Variants in CRACD observed in about 807,000 individuals in gnomAD.
CRACD encodes the protein capping protein inhibiting regulator of actin dynamics.
Under a neutral mutation model 106.8 loss-of-function variants are expected in CRACD, and 56 were observed. The ratio of observed to expected loss-of-function variants is 0.52; its 90% CI spans 0.42 to 0.66. CRACD has a LOEUF of 0.66. Among genes scored for constraint, CRACD ranks in the 30% least tolerant of loss-of-function variants. The pLI is 0.00. For missense variants in CRACD, 1,730 were observed against 1,623.2 expected, an observed-to-expected ratio of 1.07 and a Z score of -1.13; for synonymous variants, 754 against 670.8, an observed-to-expected ratio of 1.12 and a Z score of -1.92.
At chr4:56,075,835 A>G (rs923122007) in intron 1 of CRACD, among the ~76,000 whole-genome samples, 1 of 152,210 alleles carries the variant, frequency 6.6e-6, no homozygotes, top group Non-Finnish European at 1.5e-5. Context: ...ATGGCTGAAT[A>G]ATACTCTGTC....
intron 3 of CRACD, among the ~76,000 whole-genome samples, chr4:56,285,613 A>G (rs969600606): frequency 6.6e-6 from 1 of 151,914 alleles, no homozygotes; most frequent in East Asian, 1.9e-4. Flanking sequence ...TGAATTTTTT[A>G]TTTTTTATTT....
intron 10 of CRACD, among the ~76,000 whole-genome samples, chr4:56,326,981 C>T (rs191764866): frequency 6.6e-6 from 1 of 152,206 alleles, no homozygotes; most frequent in Admixed American, 6.5e-5. Context: ...CTCAAGTGAT[C>T]CTCCCTCCTT....
chr4:56,222,969 C>T (rs1417658648), intron 2 of CRACD, among the ~76,000 whole-genome samples: 7 of 150,076 alleles, frequency 4.7e-5, no homozygotes, highest in African/African-American at 7.4e-5. Context: ...AACAAGACTC[C>T]GTCTCAAACA....
At chr4:56,214,675 C>CTATATA (rs1326712395) in intron 2 of CRACD, among the ~76,000 whole-genome samples, 72 of 70,214 alleles carry the variant, frequency 1.0e-3, no homozygotes, top group African/African-American at 3.1e-3. Context: ...CTCTCTCTCT[C>CTATATA]TCTCTCTATA....
At chr4:56,289,094 A>G (rs910327707) in intron 3 of CRACD, among the ~76,000 whole-genome samples, 5 of 152,188 alleles carry the variant, frequency 3.3e-5, no homozygotes, top group African/African-American at 1.2e-4. Flanking sequence ...AGAAAGTACA[A>G]TAGTAGTTAC....
chr4:56,165,438 A>G (rs1003915027), intron 1 of CRACD, among the ~76,000 whole-genome samples: 1 of 152,184 alleles, frequency 6.6e-6, no homozygotes, highest in Admixed American at 6.5e-5. Context: ...AATAATGATT[A>G]TCACCATTGC....
intron 3 of CRACD, among the ~76,000 whole-genome samples, chr4:56,273,879 G>A (rs1442734462): frequency 6.6e-6 from 1 of 152,160 alleles, no homozygotes; most frequent in African/African-American, 2.4e-5. Context: ...TATTCTCACC[G>A]TGCTTCAAGG....
At chr4:56,162,058 A>G (rs954939177) in intron 1 of CRACD, among the ~76,000 whole-genome samples, 2 of 152,098 alleles carry the variant, frequency 1.3e-5, no homozygotes, top group South Asian at 4.1e-4. Flanking sequence ...TTCCGCTTGC[A>G]CATTCTTTTA....
chr4:56,310,818 G>A (rs1319491981), intron 6 of CRACD, 84 bp downstream of exon 6: 3 of 766,192 alleles, frequency 3.9e-6, no homozygotes, highest in Non-Finnish European at 6.5e-6. Flanking sequence ...TTTGCGACCT[G>A]CTGCCTCATT....
chr4:56,179,163 G>C (rs1451515583), intron 1 of CRACD, 121 bp from the exon 2 acceptor site: 1 of 76,538 alleles, frequency 1.3e-5, no homozygotes, highest in East Asian at 2.8e-4. Flanking sequence ...ACTCATGGAG[G>C]GGGAAGAAAC....
At position 56,139,815 on chromosome 4, in the gene CRACD, C is replaced by T. The variant is rs1029230129; in HGVS notation, c.-335-39469C>T. 1.5e-4 allele frequency among the ~76,000 whole-genome samples: 23 copies of T among 152,142 alleles called. No homozygotes were observed. In the South Asian group the frequency reaches 4.6e-3, roughly 30 times the overall value. ...TTTCTTTTTTGCACAAATATAATTA[C>T]ATTTATATAAATAAAAAGGAAAAAA... On this transcript the variant is annotated intron_variant, in intron 1 of 10. Coordinates refer to ENST00000682029, the MANE Select transcript of CRACD (RefSeq NM_001393381.1).
chr4:56,185,345 T>C (rs532025370), intron 2 of CRACD, among the ~76,000 whole-genome samples: 1 of 152,272 alleles, frequency 6.6e-6, no homozygotes, highest in African/African-American at 2.4e-5. Context: ...AATAAAACAC[T>C]GTACCCATTA....
At chr4:56,076,355 G>T (rs1006471664) in intron 1 of CRACD, among the ~76,000 whole-genome samples, 2 of 152,126 alleles carry the variant, frequency 1.3e-5, no homozygotes, top group Non-Finnish European at 2.9e-5. Context: ...ACGAATACAG[G>T]GGTGATATAG....
chr4:56,065,175 C>T (rs906004948), intron 1 of CRACD, among the ~76,000 whole-genome samples: 1 of 152,030 alleles, frequency 6.6e-6, no homozygotes, highest in South Asian at 2.1e-4. Context: ...GCAACCTCCA[C>T]CTCCCAGGTT....
At chr4:56,206,338 A>G (rs540084649) in intron 2 of CRACD, among the ~76,000 whole-genome samples, 46 of 152,356 alleles carry the variant, frequency 3.0e-4, no homozygotes, top group African/African-American at 1.1e-3. Context: ...TTGCCACTGC[A>G]TGCGTGCCCT....
chr4:56,298,398 A>T (rs1338154494), intron 4 of CRACD, 49 bp downstream of exon 4: 2 of 1,604,396 alleles, frequency 1.2e-6, no homozygotes, highest in East Asian at 4.5e-5. Flanking sequence ...GGGCCCAGTT[A>T]TGAAGGGAAG....
intron 1 of CRACD, among the ~76,000 whole-genome samples, chr4:56,143,192 C>T (rs2109880332): frequency 6.6e-6 from 1 of 151,706 alleles, no homozygotes; most frequent in Non-Finnish European, 1.5e-5. Flanking sequence ...TTTTATATTT[C>T]TATTGTTGTC....
At chr4:56,308,800 G>A in intron 5 of CRACD, 1 of 1,273,766 alleles carries the variant, frequency 7.9e-7, no homozygotes, top group Non-Finnish European at 1.0e-6. Flanking sequence ...TCCAGTGCTA[G>A]GCAGAAGCAA....
At position 56,281,538 on chromosome 4, in the gene CRACD, C is replaced by T. The variant is rs953195632; in HGVS notation, c.-17+9046C>T. Among the ~76,000 whole-genome samples, 5 of 126,560 alleles carry T rather than the reference C, an allele frequency of 4.0e-5. No homozygotes were observed. In the South Asian group the frequency reaches 6.9e-4, roughly 17 times the overall value. 83.0% of individuals were successfully genotyped at this position (126,560 alleles called of 152,430 possible). A position where few individuals can be genotyped will look rare whatever the true frequency, so the allele number is the denominator to read the frequency against. ...GTGACCCTCACCTAGCTAGCGCCTT[C>T]GTCTCCCAGGATTATTAGGAGGACA... On this transcript the variant is annotated intron_variant, in intron 3 of 10. Coordinates refer to ENST00000682029, the MANE Select transcript of CRACD (RefSeq NM_001393381.1).
Sources: gnomAD v4.1 joint callset for allele counts (sites outside exome capture counted in the v4.1 genomes callset) on GRCh38, gnomAD v4.1.1 for gene constraint, MANE v1.5 for transcripts, NCBI Gene and HGNC (gene_info 2026-07-23, HGNC 2026-07-21) for gene names.